ZC3H13: variants seen among roughly 807,000 people sequenced by gnomAD.
ZC3H13 encodes zinc finger CCCH domain-containing protein 13.
ZC3H13 carries 64 observed loss-of-function variants against 204.1 expected under a neutral mutation model. That is an observed-to-expected ratio of 0.31 (90% CI 0.26 to 0.39). The LOEUF (loss-of-function observed/expected upper bound fraction) is 0.39, where lower values mean the gene tolerates loss of function less well. Among genes scored for constraint, ZC3H13 ranks in the 10% least tolerant of loss-of-function variants. ZC3H13 has a pLI of 1.00. For synonymous variants in ZC3H13, 667 were observed against 693.7 expected, an observed-to-expected ratio of 0.96 and a Z score of 0.60; for missense variants, 1,833 against 2,082.7, an observed-to-expected ratio of 0.88 and a Z score of 2.33.
At chr13:45,989,551 A>C (rs1401964680) in intron 8 of ZC3H13, among the ~76,000 whole-genome samples, 1 of 152,232 alleles carries the variant, frequency 6.6e-6, no homozygotes, top group Non-Finnish European at 1.5e-5. Flanking sequence ...GCATCAGCTA[A>C]GGCAAACAAA....
At chr13:45,976,791 A>G (rs529130481) in intron 11 of ZC3H13, among the ~76,000 whole-genome samples, 1 of 152,316 alleles carries the variant, frequency 6.6e-6, no homozygotes, top group Admixed American at 6.5e-5. Context: ...GTTTCCATTT[A>G]CATACTATAT....
At chr13:46,043,081 C>T (rs2043700298) in intron 3 of ZC3H13, among the ~76,000 whole-genome samples, 1 of 151,932 alleles carries the variant, frequency 6.6e-6, no homozygotes, top group South Asian at 2.1e-4. Context: ...GGAAAACAGA[C>T]TGCCTTTAAA....
chr13:46,022,920 T>C (rs1295225270), intron 4 of ZC3H13, among the ~76,000 whole-genome samples: 1 of 152,236 alleles, frequency 6.6e-6, no homozygotes, highest in Non-Finnish European at 1.5e-5. Flanking sequence ...GAAAAATGTT[T>C]GAAGTTTTTT....
chr13:45,975,543 C>T lies in ZC3H13; in HGVS notation c.2208G>A (p.Glu736=). The change falls in exon 12 of 19, where the codon GAG becomes GAA. Residue 736 remains glutamate (E), a synonymous_variant. Coordinates refer to ENST00000679008, the MANE Select transcript of ZC3H13 (RefSeq NM_001330564.2). ...TGTCTCGTTCCCTCTCTCTTTCCCG[C>T]TCTCGATCGTGGTCTCGGTCTCTAT... ...ERDRDRDHDR[E]RERERERDRE... The T allele has an allele frequency of 6.3e-7, 1 of 1,595,836 alleles. No homozygotes were observed. Among genetic ancestry groups the T allele is most frequent in the Non-Finnish European group, 8.5e-7 (1 of 1,171,202 alleles).
chr13:45,990,406 TAGAA>T (rs1468519156), intron 8 of ZC3H13, among the ~76,000 whole-genome samples: 2 of 152,156 alleles, frequency 1.3e-5, no homozygotes, highest in Non-Finnish European at 2.9e-5. Flanking sequence ...TCTAATATAT[TAGAA>T]AGAATATGCA....
At chr13:46,011,315 T>C in intron 6 of ZC3H13, 100 bp downstream of exon 6, 2 of 1,094,006 alleles carry the variant, frequency 1.8e-6, no homozygotes, top group Admixed American at 5.3e-5. Context: ...AATATATCAG[T>C]ATACTAATAT....
chr13:45,983,445 G>T (rs1213335325), intron 10 of ZC3H13, among the ~76,000 whole-genome samples: 7 of 3,252 alleles, frequency 2.2e-3, no homozygotes, highest in South Asian at 5.3e-3. Flanking sequence ...TTTTTTTTTT[G>T]AGACGGAGTC....
intron 7 of ZC3H13, among the ~76,000 whole-genome samples, chr13:46,009,106 T>A (rs1302069549): frequency 1.3e-5 from 2 of 152,052 alleles, no homozygotes; most frequent in African/African-American, 4.8e-5. Flanking sequence ...ATCTGATAGG[T>A]ACCTAAAGGG....
Position 46,042,588 on chromosome 13 carries a change from A to T in ZC3H13, c.228-313T>A, listed in dbSNP as rs371229185. 3.9e-5 allele frequency among the ~76,000 whole-genome samples: 6 copies of T among 152,252 alleles called. No individual in the cohort carries two copies. In the East Asian group the frequency reaches 1.2e-3, roughly 29 times the overall value. On this transcript the variant is annotated intron_variant, in intron 3 of 18. Transcript: ENST00000679008. ...TGTGAACTGAGAAAAAGGAACTAAT[A>T]GCTTGACTTGTTTTCCTATTAATCA...
At chr13:46,031,092 G>T (rs563436834) in intron 4 of ZC3H13, among the ~76,000 whole-genome samples, 26 of 152,204 alleles carry the variant, frequency 1.7e-4, no homozygotes, top group South Asian at 1.5e-3. Flanking sequence ...CAGATCAGTG[G>T]AAAATAATAA....
intron 4 of ZC3H13, among the ~76,000 whole-genome samples, chr13:46,033,933 T>C (rs1477097891): frequency 3.9e-5 from 6 of 151,974 alleles, no homozygotes; most frequent in South Asian, 4.1e-4. Context: ...TCACAAAGGA[T>C]TGGTATACAG....
intron 8 of ZC3H13, among the ~76,000 whole-genome samples, chr13:45,991,703 A>C (rs1358152718): frequency 6.6e-6 from 1 of 152,204 alleles, no homozygotes; most frequent in African/African-American, 2.4e-5. Flanking sequence ...TTTAATGAAG[A>C]GAAGCTTAAT....
In ZC3H13 at chr13:45,972,031, G is replaced by A. The variant is rs902635029; in HGVS notation, c.2469-1566C>T. 1.3e-5 allele frequency among the ~76,000 whole-genome samples: 2 copies of A among 152,024 alleles called. 1 individual carries two copies. Among genetic ancestry groups the A allele is most frequent in the South Asian group, 4.1e-4 (2 of 4,820 alleles). On this transcript the variant is annotated intron_variant, in intron 12 of 18. Transcript: ENST00000679008. Reference sequence around the variant, plus strand: ...TGTTAGCATAGACATGGTGAAAAGGGAATGCTTATTCACTGCTGGTGGGTA... The same window carrying A: ...TGTTAGCATAGACATGGTGAAAAGGAAATGCTTATTCACTGCTGGTGGGTA...
chr13:46,038,775 G>A (rs1399094760), intron 4 of ZC3H13, among the ~76,000 whole-genome samples: 1 of 152,062 alleles, frequency 6.6e-6, no homozygotes, highest in Non-Finnish European at 1.5e-5. Context: ...GTAATCCCAG[G>A]ACTTTGGGAG....
intron 4 of ZC3H13, among the ~76,000 whole-genome samples, chr13:46,025,616 C>A (rs1393743381): frequency 6.6e-6 from 1 of 152,136 alleles, no homozygotes. Flanking sequence ...GGTCTAACCT[C>A]TCATTTTATT....
chr13:46,036,581 G>GA (rs1193965366), intron 4 of ZC3H13, among the ~76,000 whole-genome samples: 2 of 150,234 alleles, frequency 1.3e-5, no homozygotes, highest in African/African-American at 2.4e-5. Flanking sequence ...AGGTGGAAAA[G>GA]AAAAAAAACA....
At chr13:45,983,068 A>G (rs1351816621) in intron 10 of ZC3H13, among the ~76,000 whole-genome samples, 1 of 152,156 alleles carries the variant, frequency 6.6e-6, no homozygotes, top group Admixed American at 6.5e-5. Flanking sequence ...AAACAGACTA[A>G]GAAAAATTAC....
chr13:46,009,718 A>G (rs565393134), intron 7 of ZC3H13, among the ~76,000 whole-genome samples: 18 of 152,270 alleles, frequency 1.2e-4, no homozygotes, highest in African/African-American at 2.9e-4. Flanking sequence ...GTCCCTGAAT[A>G]TAATCATTTC....
At chr13:45,966,509 T>C (rs961194166) in intron 15 of ZC3H13, among the ~76,000 whole-genome samples, 2 of 152,202 alleles carry the variant, frequency 1.3e-5, no homozygotes, top group East Asian at 1.9e-4. Context: ...TTACATCACA[T>C]AGCAAGTGAT....
Sources: allele counts gnomAD v4.1 joint callset (sites outside exome capture counted in the v4.1 genomes callset), GRCh38; gene constraint gnomAD v4.1.1; transcripts MANE v1.5; gene names NCBI Gene and HGNC (gene_info 2026-07-23, HGNC 2026-07-21).